The following CHST9 variants were observed in gnomAD, a reference collection of about 807,000 sequenced individuals.
The protein encoded by CHST9 is carbohydrate sulfotransferase 9.
A neutral mutation model predicts 44.4 loss-of-function variants in CHST9; 41 were observed. That is an observed-to-expected ratio of 0.92 (90% CI 0.72 to 1.20). The LOEUF (loss-of-function observed/expected upper bound fraction) is 1.20, where lower values mean the gene tolerates loss of function less well. Among genes scored for constraint, CHST9 ranks in the 50% most tolerant of loss-of-function variants. The pLI is 0.00. For missense variants in CHST9, 504 were observed against 516.5 expected (o/e 0.98, Z 0.23); for synonymous variants, 171 against 178.4 (o/e 0.96, Z 0.33).
chr18:26,997,466 T>C (rs1233477658), intron 4 of CHST9, among the ~76,000 whole-genome samples: 2 of 152,206 alleles, frequency 1.3e-5, no homozygotes, highest in African/African-American at 4.8e-5. Context: ...GGCATGGAAT[T>C]AGAGGAGAAA....
intron 4 of CHST9, among the ~76,000 whole-genome samples, chr18:26,979,260 A>G (rs2056662970): frequency 6.6e-6 from 1 of 152,138 alleles, no homozygotes; most frequent in African/African-American, 2.4e-5. Context: ...ATAATAGAAT[A>G]TTTGGGGGAG....
intron 3 of CHST9, among the ~76,000 whole-genome samples, chr18:27,038,471 G>C (rs774422472): frequency 1.3e-5 from 2 of 152,072 alleles, no homozygotes; most frequent in Non-Finnish European, 2.9e-5. Context: ...ACTTGAACTC[G>C]GGAGGTGAAG....
chr18:26,967,699 G>T (rs1185203761), intron 4 of CHST9, among the ~76,000 whole-genome samples: 1 of 152,182 alleles, frequency 6.6e-6, no homozygotes, highest in Non-Finnish European at 1.5e-5. Flanking sequence ...AACTTGATTG[G>T]ATTGAAGGAT....
chr18:27,047,151 T>C (rs577579305), intron 3 of CHST9, among the ~76,000 whole-genome samples: 39 of 152,166 alleles, frequency 2.6e-4, no homozygotes, highest in African/African-American at 8.2e-4. Context: ...TCACAAATAA[T>C]TTCAGAAGCC....
chr18:27,008,711 G>A (rs1179954955), intron 4 of CHST9, among the ~76,000 whole-genome samples: 1 of 152,010 alleles, frequency 6.6e-6, no homozygotes, highest in Non-Finnish European at 1.5e-5. Flanking sequence ...CTGTCCTCTT[G>A]TATCTATCTC....
chr18:26,928,508 A>T (rs571544267), intron 5 of CHST9: 1 of 125,682 alleles, frequency 8.0e-6, no homozygotes, highest in East Asian at 3.5e-4. Flanking sequence ...GGACAATGTC[A>T]TCATTTGTGG....
chr18:27,058,585 A>G (rs2057685334), intron 2 of CHST9, among the ~76,000 whole-genome samples: 1 of 152,200 alleles, frequency 6.6e-6, no homozygotes, highest in African/African-American at 2.4e-5. Context: ...GACAACCCTA[A>G]GACCACCATG....
Position 26,907,315 on chromosome 18 carries a change from G to T in CHST9, c.*8944C>A, listed in dbSNP as rs1476076224. ...ACTCAGAAGATGGAGTAGATGGATG[G>T]TGTTGCCACCAAATAAGGAGAAAGC... On this transcript the variant is annotated 3_prime_UTR_variant, in exon 6 of 6. Transcript: ENST00000618847. 6.6e-6 allele frequency: 1 copy of T among 152,574 alleles called. No individual in the cohort carries two copies. Among genetic ancestry groups the T allele is most frequent in the Admixed American group, 6.6e-5 (1 of 15,264 alleles). The allele number at this position is 152,574 out of a possible 1,614,324, so 9.5% of individuals were successfully genotyped here.
intron 1 of CHST9, among the ~76,000 whole-genome samples, chr18:27,155,812 C>A (rs1183181763): frequency 2.6e-5 from 4 of 151,836 alleles, no homozygotes; most frequent in African/African-American, 9.7e-5. Flanking sequence ...TACAATAATC[C>A]AAGCATGATT....
intron 2 of CHST9, among the ~76,000 whole-genome samples, chr18:27,092,903 G>C (rs985779063): frequency 2.6e-5 from 4 of 152,130 alleles, no homozygotes; most frequent in African/African-American, 9.7e-5. Flanking sequence ...GTGTGGTGCC[G>C]AGAAGAATGT....
intron 4 of CHST9, among the ~76,000 whole-genome samples, chr18:26,984,301 A>C (rs1409045857): frequency 6.6e-6 from 1 of 152,208 alleles, no homozygotes; most frequent in African/African-American, 2.4e-5. Flanking sequence ...TAGTCTTTTC[A>C]ATTAATTATG....
intron 5 of CHST9, 31 bp from the exon 6 acceptor site, chr18:26,917,381 A>G: frequency 6.3e-7 from 1 of 1,593,724 alleles, no homozygotes; most frequent in South Asian, 1.1e-5. Flanking sequence ...AAATGTTGAA[A>G]GCACAGTCAC....
intron 4 of CHST9, among the ~76,000 whole-genome samples, chr18:27,007,005 G>A (rs775324707): frequency 1.2e-4 from 18 of 152,222 alleles, no homozygotes; most frequent in South Asian, 2.1e-4. Context: ...GTGTATATGC[G>A]TGTGTGGGCA....
chr18:27,145,624 C>G (rs1459161856), intron 1 of CHST9, among the ~76,000 whole-genome samples: 2 of 152,180 alleles, frequency 1.3e-5, no homozygotes, highest in Non-Finnish European at 2.9e-5. Flanking sequence ...TAACATTTCA[C>G]TAGTGCTTTT....
chr18:27,156,073 AAAC>A (rs2058696444), intron 1 of CHST9, among the ~76,000 whole-genome samples: 1 of 152,082 alleles, frequency 6.6e-6, no homozygotes, highest in African/African-American at 2.4e-5. Flanking sequence ...ATATGCATGA[AAAC>A]AAACTTTTAA....
intron 4 of CHST9, among the ~76,000 whole-genome samples, chr18:27,014,893 T>C (rs2057132546): frequency 1.3e-5 from 2 of 152,128 alleles, no homozygotes; most frequent in Admixed American, 1.3e-4. Flanking sequence ...TCTTTTAGGG[T>C]CTCTCTCTTT....
At chr18:26,952,681 A>G (rs2056266565) in intron 4 of CHST9, 1 of 218,176 alleles carries the variant, frequency 4.6e-6, no homozygotes, top group African/African-American at 2.4e-5. Flanking sequence ...TCTCTAACTT[A>G]AGAACTAAAA....
chr18:27,066,332 A>C (rs2057782098), intron 2 of CHST9, among the ~76,000 whole-genome samples: 1 of 152,226 alleles, frequency 6.6e-6, no homozygotes, highest in South Asian at 2.1e-4. Flanking sequence ...CCTCATGTTC[A>C]AGGTGGAAGC....
intron 2 of CHST9, among the ~76,000 whole-genome samples, chr18:27,134,780 T>C (rs1339762458): frequency 4.6e-5 from 7 of 152,152 alleles, no homozygotes; most frequent in African/African-American, 1.7e-4. Context: ...TAGATGTTAA[T>C]GCTGAATCCT....
Sources: allele counts gnomAD v4.1 joint callset (sites outside exome capture counted in the v4.1 genomes callset), GRCh38; gene constraint gnomAD v4.1.1; transcripts MANE v1.5; gene names NCBI Gene and HGNC (gene_info 2026-07-23, HGNC 2026-07-21).